The following ITGA8 variants were observed in gnomAD, a reference collection of about 807,000 sequenced individuals.
The protein encoded by ITGA8 is integrin alpha-8.
In ITGA8, 91 loss-of-function variants were observed where a neutral mutation model predicts 142.3. That is an observed-to-expected ratio of 0.64 (90% CI 0.54 to 0.76). The LOEUF (loss-of-function observed/expected upper bound fraction) is 0.76. ITGA8 is among the 30% of genes least tolerant of loss of function. The pLI, the probability that ITGA8 is intolerant of heterozygous loss-of-function variation, is 0.00. For synonymous variants in ITGA8, 505 were observed against 485.2 expected, an observed-to-expected ratio of 1.04 and a Z score of -0.54; for missense variants, 1,406 against 1,327.7, an observed-to-expected ratio of 1.06 and a Z score of -0.92.
chr10:15,719,430 A>C, intron 1 of ITGA8, 133 bp downstream of exon 1: 1 of 703,906 alleles, frequency 1.4e-6, no homozygotes, highest in Non-Finnish European at 2.2e-6. Context: ...GGTGGCGGGG[A>C]GAGGGACGGG....
intron 15 of ITGA8, among the ~76,000 whole-genome samples, chr10:15,612,634 C>T (rs879833435): frequency 4.6e-5 from 7 of 152,198 alleles, no homozygotes; most frequent in South Asian, 2.1e-4. Context: ...AGAAGGAACA[C>T]TTTCAGGAGT....
intron 2 of ITGA8, among the ~76,000 whole-genome samples, chr10:15,705,138 C>T (rs1835234196): frequency 6.6e-6 from 1 of 152,120 alleles, no homozygotes; most frequent in African/African-American, 2.4e-5. Context: ...GGGAGATCTT[C>T]TTAAATCCTA....
At chr10:15,662,515 A>AT (rs2131673803) in intron 8 of ITGA8, among the ~76,000 whole-genome samples, 1 of 151,274 alleles carries the variant, frequency 6.6e-6, no homozygotes, top group African/African-American at 2.4e-5. Context: ...GTTTTTGTAT[A>AT]TTTTGTAGAG....
intron 23 of ITGA8, among the ~76,000 whole-genome samples, chr10:15,576,370 A>G (rs926930064): frequency 1.3e-5 from 2 of 152,240 alleles, no homozygotes; most frequent in Non-Finnish European, 1.5e-5. Flanking sequence ...CATATAACAC[A>G]TGGCATTATT....
chr10:15,561,958 G>A (rs1465607949), intron 25 of ITGA8, among the ~76,000 whole-genome samples: 2 of 152,134 alleles, frequency 1.3e-5, no homozygotes, highest in African/African-American at 4.8e-5. Flanking sequence ...GTGGCAGGAG[G>A]GAGAATGAAC....
chr10:15,713,832 T>A (rs1835403696), intron 2 of ITGA8, among the ~76,000 whole-genome samples: 1 of 152,174 alleles, frequency 6.6e-6, no homozygotes. Flanking sequence ...AATCCAATTG[T>A]CTTCCATTTT....
At chr10:15,550,375 C>T (rs1344483843) in intron 26 of ITGA8, among the ~76,000 whole-genome samples, 1 of 152,164 alleles carries the variant, frequency 6.6e-6, no homozygotes, top group Non-Finnish European at 1.5e-5. Flanking sequence ...TGGTTTGTGG[C>T]CCTTTCAAGG....
At chr10:15,711,439 T>C (rs939458253) in intron 2 of ITGA8, among the ~76,000 whole-genome samples, 13 of 152,334 alleles carry the variant, frequency 8.5e-5, no homozygotes, top group African/African-American at 3.1e-4. Flanking sequence ...ATATCAAATA[T>C]GTAACTCTCT....
In ITGA8 at chr10:15,717,846, G is replaced by C. The variant is rs11575614; in HGVS notation, c.343+920C>G. On this transcript the variant is annotated intron_variant, in intron 2 of 29. Coordinates refer to ENST00000378076, the MANE Select transcript of ITGA8 (RefSeq NM_003638.3). The stretch of plus-strand genomic sequence containing the variant: ...CATCGAAATTCTGTGAAAATATTCC[G>C]CATAAATTCCATATACGCACTAATC... 8.4e-3 allele frequency among the ~76,000 whole-genome samples: 1,278 copies of C among 152,246 alleles called. 17 individuals carry two copies. Among genetic ancestry groups the C allele is most frequent in the African/African-American group, 0.029 (1,206 of 41,544 alleles).
intron 13 of ITGA8, among the ~76,000 whole-genome samples, chr10:15,643,343 G>A (rs113222126): frequency 6.6e-6 from 1 of 152,118 alleles, no homozygotes; most frequent in Admixed American, 6.5e-5. Flanking sequence ...TCAGTGGCTC[G>A]ATCTTGGCTC....
At chr10:15,640,560 A>C (rs1209940005) in intron 13 of ITGA8, among the ~76,000 whole-genome samples, 1 of 152,252 alleles carries the variant, frequency 6.6e-6, no homozygotes. Flanking sequence ...TATAGGGTTT[A>C]GAAAGCATGC....
intron 27 of ITGA8, among the ~76,000 whole-genome samples, chr10:15,547,285 T>G (rs1309072659): frequency 6.6e-6 from 1 of 152,226 alleles, no homozygotes; most frequent in Non-Finnish European, 1.5e-5. Flanking sequence ...AAAATGCCCA[T>G]AGTCGGCCAG....
At chr10:15,538,329 A>G (rs1388540669) in intron 27 of ITGA8, among the ~76,000 whole-genome samples, 1 of 152,128 alleles carries the variant, frequency 6.6e-6, no homozygotes, top group East Asian at 1.9e-4. Context: ...CCTGGCCAAC[A>G]TGGTGAAACT....
At chr10:15,613,894 C>A (rs1379665149) in intron 14 of ITGA8, 127 bp from the exon 15 acceptor site, 1 of 644,166 alleles carries the variant, frequency 1.6e-6, no homozygotes, top group Non-Finnish European at 2.7e-6. Context: ...CCAACGTTCT[C>A]AGCATTTGTG....
At chr10:15,680,011 C>T (rs1278662040) in intron 4 of ITGA8, among the ~76,000 whole-genome samples, 2 of 152,094 alleles carry the variant, frequency 1.3e-5, no homozygotes, top group Non-Finnish European at 2.9e-5. Flanking sequence ...GGATATTCCT[C>T]AATGGAAACT....
chr10:15,575,705 A>T, intron 23 of ITGA8, 111 bp from the exon 24 acceptor site: 1 of 766,790 alleles, frequency 1.3e-6, no homozygotes, highest in Non-Finnish European at 2.3e-6. Flanking sequence ...AATTTATTTG[A>T]GTAGATACTC....
At chr10:15,526,253 C>G (rs534600954) in intron 28 of ITGA8, among the ~76,000 whole-genome samples, 4 of 151,366 alleles carry the variant, frequency 2.6e-5, no homozygotes, top group Non-Finnish European at 4.4e-5. Flanking sequence ...CTGGGCTCAT[C>G]GCAACCTCCG....
At chr10:15,606,120 C>G (rs112416421) in intron 18 of ITGA8, among the ~76,000 whole-genome samples, 165 bp downstream of exon 18, 1 of 152,126 alleles carries the variant, frequency 6.6e-6, no homozygotes, top group Non-Finnish European at 1.5e-5. Context: ...CCGAAAAACA[C>G]AATCATGCAG....
intron 26 of ITGA8, among the ~76,000 whole-genome samples, chr10:15,550,942 A>G (rs1159366400): frequency 6.6e-6 from 1 of 152,078 alleles, no homozygotes; most frequent in African/African-American, 2.4e-5. Flanking sequence ...GGCAGTGGAA[A>G]TGGAGAGAGG....
Sources: gnomAD v4.1 joint callset for allele counts (sites outside exome capture counted in the v4.1 genomes callset) on GRCh38, gnomAD v4.1.1 for gene constraint, MANE v1.5 for transcripts, NCBI Gene and HGNC (gene_info 2026-07-23, HGNC 2026-07-21) for gene names.